Variants in CNTNAP5 observed in about 807,000 individuals in gnomAD.
The protein encoded by CNTNAP5 is contactin associated protein family member 5.
CNTNAP5 carries 72 observed loss-of-function variants against 150.2 expected under a neutral mutation model. The observed-to-expected ratio is 0.48, with a 90% confidence interval of 0.40 to 0.58. The LOEUF is 0.58. Among genes scored for constraint, CNTNAP5 ranks in the 20% least tolerant of loss-of-function variants. CNTNAP5 has a pLI of 0.00. For missense variants in CNTNAP5, 1,636 were observed against 1,626.2 expected, an observed-to-expected ratio of 1.01 and a Z score of -0.10; for synonymous variants, 672 against 619.8, an observed-to-expected ratio of 1.08 and a Z score of -1.25.
At chr2:124,141,868 C>T (rs1327400873) in intron 1 of CNTNAP5, among the ~76,000 whole-genome samples, 1 of 12,146 alleles carries the variant, frequency 8.2e-5, no homozygotes, top group Non-Finnish European at 1.4e-4. Flanking sequence ...AGTCAAGACC[C>T]ATCAGTGTGC....
At chr2:124,438,794 CA>C (rs771747641) in intron 5 of CNTNAP5, among the ~76,000 whole-genome samples, 67 of 152,130 alleles carry the variant, frequency 4.4e-4, no homozygotes, top group Middle Eastern at 3.4e-3. Flanking sequence ...TTTTAGTTGC[CA>C]TTTTTTGAGA....
intron 3 of CNTNAP5, among the ~76,000 whole-genome samples, chr2:124,345,031 T>C (rs1397336048): frequency 1.3e-5 from 2 of 152,192 alleles, no homozygotes; most frequent in Non-Finnish European, 2.9e-5. Context: ...TTTTCTTTGC[T>C]TAAGTGCTCA....
intron 12 of CNTNAP5, among the ~76,000 whole-genome samples, chr2:124,641,870 A>C (rs1678101295): frequency 6.6e-6 from 1 of 150,556 alleles, no homozygotes; most frequent in Non-Finnish European, 1.5e-5. Context: ...ATGAGGTCTT[A>C]TTAATCAGAG....
chr2:124,744,515 A>G (rs1680565258), intron 13 of CNTNAP5, among the ~76,000 whole-genome samples: 3 of 152,156 alleles, frequency 2.0e-5, no homozygotes, highest in African/African-American at 7.2e-5. Context: ...CCATGTAACG[A>G]GCAGGAGGGC....
chr2:124,388,391 C>G (rs1321513492), intron 3 of CNTNAP5, among the ~76,000 whole-genome samples: 1 of 152,198 alleles, frequency 6.6e-6, no homozygotes, highest in Non-Finnish European at 1.5e-5. Context: ...GGCAAGCATG[C>G]GGTTCTGCAG....
chr2:124,518,994 C>CAAAA lies in CNTNAP5; in HGVS notation c.1328-5288_1328-5285dup, dbSNP rs35578704. Among the ~76,000 whole-genome samples the CAAAA allele has an allele frequency of 1.5e-3, 74 of 48,004 alleles. 3 individuals carry two copies. Among genetic ancestry groups the CAAAA allele is most frequent in the Non-Finnish European group, 2.0e-3 (52 of 26,092 alleles). The allele number at this position is 48,004 out of a possible 152,430, so 31.5% of individuals were successfully genotyped here. On this transcript the variant is annotated intron_variant, in intron 8 of 23. Transcript: ENST00000682447. ...GCAAAGTGTACTTTAGCCTGGGCCG[C>CAAAA]AAAAAAAAAAAAAAAAAAAAAAAAG...
intron 7 of CNTNAP5, among the ~76,000 whole-genome samples, chr2:124,480,055 T>C (rs1693730543): frequency 6.6e-6 from 1 of 152,228 alleles, no homozygotes; most frequent in South Asian, 2.1e-4. Flanking sequence ...TTTGCCATTT[T>C]AGATAGCTAA....
chr2:124,700,624 A>G (rs1679501390), intron 13 of CNTNAP5, among the ~76,000 whole-genome samples: 1 of 152,050 alleles, frequency 6.6e-6, no homozygotes, highest in South Asian at 2.1e-4. Context: ...ACATCCTTTC[A>G]TGGTAAAGGA....
chr2:124,057,646 G>A (rs889298305), intron 1 of CNTNAP5, among the ~76,000 whole-genome samples: 2 of 151,674 alleles, frequency 1.3e-5, no homozygotes, highest in Admixed American at 1.3e-4. Flanking sequence ...TGTGGAAATA[G>A]CCTAGTGAGG....
At chr2:124,271,444 A>G (rs1687749179) in intron 3 of CNTNAP5, among the ~76,000 whole-genome samples, 5 of 151,972 alleles carry the variant, frequency 3.3e-5, no homozygotes, top group Admixed American at 3.3e-4. Flanking sequence ...AAGGCAAGAG[A>G]AAAAGGTGGC....
intron 17 of CNTNAP5, among the ~76,000 whole-genome samples, chr2:124,775,385 T>C (rs1369401262): frequency 6.6e-6 from 1 of 152,188 alleles, no homozygotes; most frequent in Non-Finnish European, 1.5e-5. Context: ...AAAGATATCA[T>C]TGGCGTGTGC....
intron 1 of CNTNAP5, among the ~76,000 whole-genome samples, chr2:124,193,552 A>G (rs1529297): frequency 0.17 from 25,484 of 152,138 alleles, 2,197 homozygotes; most frequent in Middle Eastern, 0.33. Context: ...TTTACTCAGC[A>G]TGGGGAAGAA....
At chr2:124,341,382 A>G (rs995523751) in intron 3 of CNTNAP5, among the ~76,000 whole-genome samples, 4 of 152,072 alleles carry the variant, frequency 2.6e-5, no homozygotes, top group African/African-American at 9.7e-5. Context: ...AAAGTACCAT[A>G]CTTTGGGGTA....
chr2:124,375,109 A>C (rs1468229386), intron 3 of CNTNAP5, among the ~76,000 whole-genome samples: 1 of 152,134 alleles, frequency 6.6e-6, no homozygotes, highest in African/African-American at 2.4e-5. Flanking sequence ...ATAGAAAATC[A>C]CCATGAGCAC....
At chr2:124,895,560 G>A (rs1678286529) in intron 21 of CNTNAP5, among the ~76,000 whole-genome samples, 1 of 151,522 alleles carries the variant, frequency 6.6e-6, no homozygotes, top group African/African-American at 2.4e-5. Context: ...GGGAGGATGA[G>A]GCTGCAGTGA....
intron 20 of CNTNAP5, among the ~76,000 whole-genome samples, chr2:124,866,328 C>T (rs991019483): frequency 6.6e-5 from 10 of 152,162 alleles, no homozygotes; most frequent in Middle Eastern, 3.4e-3. Context: ...AAATTGGAGG[C>T]TATGGAAGGG....
intron 1 of CNTNAP5, among the ~76,000 whole-genome samples, chr2:124,203,689 G>C (rs1194482956): frequency 6.6e-6 from 1 of 152,202 alleles, no homozygotes; most frequent in Admixed American, 6.5e-5. Context: ...GCCAAGACTT[G>C]GTGACTGCAC....
chr2:124,498,558 G>T (rs748462189), intron 7 of CNTNAP5, among the ~76,000 whole-genome samples: 3 of 152,088 alleles, frequency 2.0e-5, no homozygotes, highest in Non-Finnish European at 2.9e-5. Context: ...CACCTCAGCC[G>T]TTCTAAGTGC....
intron 19 of CNTNAP5, among the ~76,000 whole-genome samples, chr2:124,812,091 A>T (rs12478811): frequency 3.5e-4 from 25 of 70,826 alleles, no homozygotes; most frequent in Non-Finnish European, 4.4e-4. Flanking sequence ...TATATTATAT[A>T]ATATATAATT....
Sources: allele counts gnomAD v4.1 joint callset (sites outside exome capture counted in the v4.1 genomes callset), GRCh38; gene constraint gnomAD v4.1.1; transcripts MANE v1.5; gene names NCBI Gene and HGNC (gene_info 2026-07-23, HGNC 2026-07-21).